PDE4D: variants seen among roughly 807,000 people sequenced by gnomAD.
PDE4D encodes the protein phosphodiesterase 4D.
In PDE4D, 24 loss-of-function variants were observed where a neutral mutation model predicts 87.4. The ratio of observed to expected loss-of-function variants is 0.27; its 90% CI spans 0.20 to 0.39. PDE4D has a LOEUF of 0.39. PDE4D is among the 10% of genes least tolerant of loss of function. PDE4D has a pLI of 1.00. For synonymous variants in PDE4D, 384 were observed against 383.2 expected, an observed-to-expected ratio of 1.00 and a Z score of -0.02; for missense variants, 714 against 1,041.0, an observed-to-expected ratio of 0.69 and a Z score of 4.32.
At chr5:60,126,491 AT>A (rs1297380144) in intron 2 of PDE4D, among the ~76,000 whole-genome samples, 1 of 152,212 alleles carries the variant, frequency 6.6e-6, no homozygotes, top group Non-Finnish European at 1.5e-5. Context: ...TGGCTAAAAA[AT>A]GAAATGGGAA....
intron 1 of PDE4D, among the ~76,000 whole-genome samples, chr5:59,390,636 A>G (rs1040591089): frequency 6.6e-6 from 1 of 152,152 alleles, no homozygotes; most frequent in African/African-American, 2.4e-5. Context: ...AGACATGTAA[A>G]TGTACAGCAA....
At chr5:60,121,676 T>C (rs1778697262) in intron 2 of PDE4D, among the ~76,000 whole-genome samples, 1 of 152,066 alleles carries the variant, frequency 6.6e-6, no homozygotes, top group Admixed American at 6.5e-5. Flanking sequence ...GGGAGTACAA[T>C]TCAAGATGAG....
chr5:60,225,653 C>G, intron 1 of PDE4D, among the ~76,000 whole-genome samples: 1 of 152,066 alleles, frequency 6.6e-6, no homozygotes, highest in East Asian at 1.9e-4. Context: ...CCTCACTTTG[C>G]TGAATTCTAA....
chr5:59,600,007 G>A (rs969766546), intron 1 of PDE4D, among the ~76,000 whole-genome samples: 4 of 152,190 alleles, frequency 2.6e-5, no homozygotes, highest in African/African-American at 9.6e-5. Context: ...TCCCTGCTGG[G>A]TCCTCTGGCT....
At chr5:59,296,193 C>G (rs939496158) in intron 1 of PDE4D, among the ~76,000 whole-genome samples, 1 of 152,004 alleles carries the variant, frequency 6.6e-6, no homozygotes, top group African/African-American at 2.4e-5. Flanking sequence ...CTCCAAGAAA[C>G]TCATTTATGT....
At chr5:60,451,093 C>T (rs6449471) in intron 1 of PDE4D, among the ~76,000 whole-genome samples, 23,748 of 152,010 alleles carry the variant, frequency 0.16, 2,734 homozygotes, top group African/African-American at 0.32. Context: ...CTTGAACTGA[C>T]ACCCCACAGT....
At chr5:60,394,960 T>C (rs183196911) in intron 1 of PDE4D, among the ~76,000 whole-genome samples, 15 of 152,312 alleles carry the variant, frequency 9.8e-5, no homozygotes, top group African/African-American at 2.6e-4. Context: ...AAATATTAGC[T>C]GTCTCACATT....
At chr5:60,466,686 T>C (rs926680685) in intron 1 of PDE4D, among the ~76,000 whole-genome samples, 4 of 152,222 alleles carry the variant, frequency 2.6e-5, no homozygotes, top group African/African-American at 9.6e-5. Flanking sequence ...ACTTGGAAGA[T>C]TTCTTGATTA....
intron 1 of PDE4D, among the ~76,000 whole-genome samples, chr5:59,450,145 C>T (rs1444276385): frequency 6.6e-6 from 1 of 152,158 alleles, no homozygotes; most frequent in South Asian, 2.1e-4. Context: ...TGTAAATGAT[C>T]GCCTTGTGCC....
chr5:59,500,617 A>C (rs1305766631), intron 1 of PDE4D, among the ~76,000 whole-genome samples: 1 of 151,976 alleles, frequency 6.6e-6, no homozygotes, highest in Non-Finnish European at 1.5e-5. Context: ...GGGTGGGAGG[A>C]GGGAGGTGAG....
At chr5:59,537,189 A>G (rs1365619745) in intron 1 of PDE4D, among the ~76,000 whole-genome samples, 1 of 152,236 alleles carries the variant, frequency 6.6e-6, no homozygotes, top group Admixed American at 6.5e-5. Context: ...GCACAGGAAA[A>G]GAAGATGAGA....
chr5:59,214,965 T>C (rs1750903475), intron 2 of PDE4D, among the ~76,000 whole-genome samples: 1 of 152,150 alleles, frequency 6.6e-6, no homozygotes, highest in Non-Finnish European at 1.5e-5. Context: ...CATGAAAAGA[T>C]GGTGAATGTT....
intron 5 of PDE4D, among the ~76,000 whole-genome samples, chr5:59,105,963 G>C (rs554150434): frequency 6.6e-6 from 1 of 152,204 alleles, no homozygotes; most frequent in African/African-American, 2.4e-5. Context: ...AAGTGTTCGT[G>C]TAAGTGTCCA....
chr5:59,861,356 G>C (rs1746256234), intron 1 of PDE4D, among the ~76,000 whole-genome samples: 1 of 152,132 alleles, frequency 6.6e-6, no homozygotes, highest in South Asian at 2.1e-4. Flanking sequence ...GCCTAACAAA[G>C]CCTCAGCTGG....
chr5:60,411,472 C>T (rs1043785066), intron 1 of PDE4D, among the ~76,000 whole-genome samples: 2 of 151,964 alleles, frequency 1.3e-5, no homozygotes, highest in African/African-American at 4.8e-5. Context: ...TAAGTGTTAG[C>T]TAATCTCATT....
chr5:60,479,659 G>A (rs913253284), intron 1 of PDE4D, among the ~76,000 whole-genome samples: 3 of 152,076 alleles, frequency 2.0e-5, no homozygotes, highest in Admixed American at 6.6e-5. Context: ...TGGTCTCTGC[G>A]GGAACCACTC....
chr5:59,365,646 A>G (rs1205160866), intron 1 of PDE4D, among the ~76,000 whole-genome samples: 1 of 152,216 alleles, frequency 6.6e-6, no homozygotes, highest in Admixed American at 6.5e-5. Context: ...CAGGAGAGAT[A>G]CATTTGTACA....
At chr5:60,396,466 A>C (rs562430831) in intron 1 of PDE4D, among the ~76,000 whole-genome samples, 1 of 151,964 alleles carries the variant, frequency 6.6e-6, no homozygotes, top group Non-Finnish European at 1.5e-5. Flanking sequence ...ATCTGAGAAG[A>C]CCTGTTCCCT....
At chr5:59,762,528 G>C in intron 1 of PDE4D, among the ~76,000 whole-genome samples, 1 of 102,482 alleles carries the variant, frequency 9.8e-6, no homozygotes, top group Non-Finnish European at 1.9e-5. Context: ...GTGTATATGG[G>C]TACACATGTG....
Sources: gnomAD v4.1 joint callset for allele counts (sites outside exome capture counted in the v4.1 genomes callset) on GRCh38, gnomAD v4.1.1 for gene constraint, MANE v1.5 for transcripts, NCBI Gene and HGNC (gene_info 2026-07-23, HGNC 2026-07-21) for gene names.